The following MGMT variants were observed in gnomAD, a reference collection of about 807,000 sequenced individuals.
The protein encoded by MGMT is O-6-methylguanine-DNA methyltransferase.
A neutral mutation model predicts 15.9 loss-of-function variants in MGMT; 14 were observed. The ratio of observed to expected loss-of-function variants is 0.88; its 90% CI spans 0.58 to 1.37. The LOEUF (loss-of-function observed/expected upper bound fraction) is 1.37. Among genes scored for constraint, MGMT ranks in the 40% most tolerant of loss-of-function variants. The pLI, the probability that MGMT is intolerant of heterozygous loss-of-function variation, is 0.00. For synonymous variants in MGMT, 130 were observed against 118.2 expected (o/e 1.10, Z -0.65); for missense variants, 282 against 268.1 (o/e 1.05, Z -0.36).
At chr10:129,671,296 A>C (rs1847719760) in intron 2 of MGMT, among the ~76,000 whole-genome samples, 1 of 152,192 alleles carries the variant, frequency 6.6e-6, no homozygotes. Flanking sequence ...TAGTGCTGTC[A>C]CCTTGGTAGC....
At chr10:129,753,211 C>T (rs566210676) in intron 3 of MGMT, among the ~76,000 whole-genome samples, 2 of 152,230 alleles carry the variant, frequency 1.3e-5, no homozygotes, top group East Asian at 3.9e-4. Context: ...ATGACTGTTG[C>T]CTTGTACATA....
chr10:129,637,636 A>G (rs142859840), intron 2 of MGMT, among the ~76,000 whole-genome samples: 264 of 152,216 alleles, frequency 1.7e-3, no homozygotes, highest in African/African-American at 6.1e-3. Context: ...TCGGAGCGTG[A>G]CTGTATTTGG....
At chr10:129,521,545 A>C (rs541924710) in intron 1 of MGMT, among the ~76,000 whole-genome samples, 13 of 152,330 alleles carry the variant, frequency 8.5e-5, no homozygotes, top group Admixed American at 2.0e-4. Flanking sequence ...GGCTAGATTC[A>C]AACTGTATCC....
intron 1 of MGMT, among the ~76,000 whole-genome samples, chr10:129,475,003 G>T (rs1845274620): frequency 7.1e-6 from 1 of 140,512 alleles, no homozygotes; most frequent in African/African-American, 2.5e-5. Flanking sequence ...GGCCTTTGTT[G>T]GGGGGGGTGT....
At chr10:129,616,861 A>G (rs1460376589) in intron 2 of MGMT, among the ~76,000 whole-genome samples, 1 of 150,864 alleles carries the variant, frequency 6.6e-6, no homozygotes, top group African/African-American at 2.4e-5. Context: ...TTCATTCTCC[A>G]CCTCCTCCCC....
chr10:129,592,535 G>C (rs1846698721), intron 2 of MGMT, among the ~76,000 whole-genome samples: 1 of 152,186 alleles, frequency 6.6e-6, no homozygotes, highest in African/African-American at 2.4e-5. Context: ...GATTTTAATG[G>C]AACCGTGCAG....
chr10:129,593,344 G>A (rs779764664), intron 2 of MGMT, among the ~76,000 whole-genome samples: 11 of 152,166 alleles, frequency 7.2e-5, no homozygotes, highest in Non-Finnish European at 1.5e-4. Context: ...CAGCAGTTTG[G>A]GATGCCCCTG....
At chr10:129,475,482 G>A (rs1252664213) in intron 1 of MGMT, among the ~76,000 whole-genome samples, 1 of 152,210 alleles carries the variant, frequency 6.6e-6, no homozygotes, top group Non-Finnish European at 1.5e-5. Context: ...GCGAAGAAAA[G>A]GAATGATATA....
intron 1 of MGMT, among the ~76,000 whole-genome samples, chr10:129,478,014 G>T (rs950982385): frequency 6.6e-6 from 1 of 152,184 alleles, no homozygotes; most frequent in African/African-American, 2.4e-5. Flanking sequence ...AACATCAGTG[G>T]TTGTGGGAAT....
chr10:129,512,245 A>G (rs1589842856), intron 1 of MGMT, among the ~76,000 whole-genome samples: 1 of 152,170 alleles, frequency 6.6e-6, no homozygotes, highest in Non-Finnish European at 1.5e-5. Flanking sequence ...GACTGCCTGT[A>G]GTACTGCTTG....
intron 2 of MGMT, among the ~76,000 whole-genome samples, chr10:129,681,702 G>C (rs1564759500): frequency 2.6e-5 from 4 of 152,248 alleles, no homozygotes; most frequent in Middle Eastern, 3.4e-3. Flanking sequence ...CGTGTATATG[G>C]AGGGCCAGCT....
intron 2 of MGMT, among the ~76,000 whole-genome samples, chr10:129,603,076 C>T (rs1213509213): frequency 6.6e-6 from 1 of 152,166 alleles, no homozygotes; most frequent in African/African-American, 2.4e-5. Context: ...TTTTTGCAAA[C>T]TCATATAAAC....
intron 2 of MGMT, among the ~76,000 whole-genome samples, chr10:129,628,817 T>TCA (rs1399186321): frequency 6.6e-6 from 1 of 152,190 alleles, no homozygotes; most frequent in African/African-American, 2.4e-5. Flanking sequence ...TAAGCTGACT[T>TCA]CACCCCTCTT....
intron 1 of MGMT, among the ~76,000 whole-genome samples, chr10:129,516,025 A>G (rs61862579): frequency 0.16 from 23,775 of 152,218 alleles, 2,599 homozygotes; most frequent in African/African-American, 0.3. Context: ...TGGTGTCTAC[A>G]GGTTTGGGTG....
chr10:129,756,720 G>A (rs1245367706), intron 3 of MGMT, among the ~76,000 whole-genome samples: 16 of 152,182 alleles, frequency 1.1e-4, no homozygotes, highest in East Asian at 9.7e-4. Context: ...CGCCCGCCTC[G>A]GCCTCCCAAA....
rs562471545 is a variant in MGMT, at chr10:129,526,753, C to T, written c.-12-9488C>T. On this transcript the variant is annotated intron_variant, in intron 1 of 4. Coordinates refer to ENST00000651593, the MANE Select transcript of MGMT (RefSeq NM_002412.5). ...AGCTGCAAAGATGGTCCTGGAAGGACGGTTTTTAGACCTGACAGTTTTTAG... is the reference window on the plus strand; with the variant it reads ...AGCTGCAAAGATGGTCCTGGAAGGATGGTTTTTAGACCTGACAGTTTTTAG... Among the ~76,000 whole-genome samples the T allele has an allele frequency of 5.3e-5, 8 of 152,266 alleles. No individual in the cohort carries two copies. In the South Asian group the frequency reaches 1.2e-3, roughly 24 times the overall value.
chr10:129,632,949 AT>A (rs1182134980), intron 2 of MGMT, among the ~76,000 whole-genome samples: 4 of 152,162 alleles, frequency 2.6e-5, no homozygotes, highest in Non-Finnish European at 5.9e-5. Context: ...ATCTTAAAAT[AT>A]TTTCTGGACA....
chr10:129,558,281 T>C (rs922079870), intron 2 of MGMT, among the ~76,000 whole-genome samples: 5 of 152,208 alleles, frequency 3.3e-5, no homozygotes, highest in African/African-American at 1.2e-4. Context: ...GAAATCCTCA[T>C]TGAAATACTG....
At chr10:129,750,687 A>C (rs1183178618) in intron 3 of MGMT, among the ~76,000 whole-genome samples, 1 of 152,116 alleles carries the variant, frequency 6.6e-6, no homozygotes, top group African/African-American at 2.4e-5. Flanking sequence ...ATGCCATTTT[A>C]TATCAGGAAC....
Sources: allele counts gnomAD v4.1 joint callset (sites outside exome capture counted in the v4.1 genomes callset), GRCh38; gene constraint gnomAD v4.1.1; transcripts MANE v1.5; gene names NCBI Gene and HGNC (gene_info 2026-07-23, HGNC 2026-07-21).